The following ABCA13 variants were observed in gnomAD, a reference collection of about 807,000 sequenced individuals.
ABCA13 encodes ATP-binding cassette sub-family A member 13.
ABCA13 carries 476 observed loss-of-function variants against 478.7 expected under a neutral mutation model. The ratio of observed to expected loss-of-function variants is 0.99; its 90% CI spans 0.92 to 1.07. The LOEUF (loss-of-function observed/expected upper bound fraction) is 1.07, where lower values mean the gene tolerates loss of function less well. Ranked by LOEUF, ABCA13 falls within the 50% of genes least tolerant of loss-of-function variation. The pLI is 0.00. For synonymous variants in ABCA13, 2,252 were observed against 2,158.9 expected (o/e 1.04, Z -1.20); for missense variants, 6,060 against 5,910.6 (o/e 1.03, Z -0.83).
intron 59 of ABCA13, among the ~76,000 whole-genome samples, chr7:48,623,528 C>T (rs146686009): frequency 2.6e-5 from 4 of 152,240 alleles, no homozygotes; most frequent in African/African-American, 9.6e-5. Context: ...CCATATTCAT[C>T]GTTATTTGTA....
intron 43 of ABCA13, among the ~76,000 whole-genome samples, chr7:48,461,962 T>A (rs1011221368): frequency 3.9e-5 from 6 of 152,102 alleles, no homozygotes; most frequent in Admixed American, 6.5e-5. Context: ...TACAAACAGA[T>A]GGGAAAGTCT....
intron 49 of ABCA13, 139 bp from the exon 50 acceptor site, chr7:48,507,733 T>C: frequency 2.0e-6 from 2 of 995,428 alleles, no homozygotes; most frequent in South Asian, 1.8e-5. Context: ...AGGGAATCCA[T>C]GCCCTTAGCC....
chr7:48,201,468 T>C (rs1652544282), intron 3 of ABCA13, among the ~76,000 whole-genome samples: 1 of 152,138 alleles, frequency 6.6e-6, no homozygotes, highest in Non-Finnish European at 1.5e-5. Context: ...TCGTCTGGCA[T>C]CCCAGCACTT....
chr7:48,194,382 G>C (rs1195009845), intron 2 of ABCA13, among the ~76,000 whole-genome samples: 1 of 150,992 alleles, frequency 6.6e-6, no homozygotes, highest in East Asian at 2.0e-4. Context: ...TGATGGTGTT[G>C]TTGGTGATGA....
intron 6 of ABCA13, among the ~76,000 whole-genome samples, chr7:48,228,203 G>T (rs1009168370): frequency 6.6e-6 from 1 of 152,190 alleles, no homozygotes; most frequent in Non-Finnish European, 1.5e-5. Flanking sequence ...AACAAAAAGG[G>T]CCCTGTCCTG....
intron 16 of ABCA13, among the ~76,000 whole-genome samples, chr7:48,271,367 G>C (rs1268940836): frequency 6.6e-6 from 1 of 152,106 alleles, no homozygotes; most frequent in African/African-American, 2.4e-5. Context: ...CCAGGACTGG[G>C]AGTGCCCACA....
rs527909566 is a variant in ABCA13, at chr7:48,386,538, C to A, written c.11336-1284C>A. Among the ~76,000 whole-genome samples, 3 of 152,226 alleles carry A rather than the reference C, an allele frequency of 2.0e-5. No individual in the cohort carries two copies. The South Asian group carries it at 6.2e-4, about 32-fold the overall frequency. ...AGCATGGTTCTGGTACAAGAACAGACACATAGACTAACAGAACAGAATAGA... is the reference window on the plus strand; with the variant it reads ...AGCATGGTTCTGGTACAAGAACAGAAACATAGACTAACAGAACAGAATAGA... On this transcript the variant is annotated intron_variant, in intron 35 of 61. Coordinates refer to ENST00000435803, the MANE Select transcript of ABCA13 (RefSeq NM_152701.5).
intron 1 of ABCA13, among the ~76,000 whole-genome samples, chr7:48,192,345 C>T (rs939767567): frequency 8.6e-5 from 13 of 151,916 alleles, no homozygotes; most frequent in African/African-American, 3.1e-4. Flanking sequence ...GATTTTACTC[C>T]AGTAATCTTA....
intron 49 of ABCA13, among the ~76,000 whole-genome samples, 195 bp downstream of exon 49, chr7:48,506,585 TTGAC>T (rs1322254655): frequency 2.0e-5 from 3 of 152,154 alleles, no homozygotes; most frequent in Non-Finnish European, 4.4e-5. Context: ...AGTCAGTACA[TTGAC>T]TGAGCTTAAA....
intron 19 of ABCA13, among the ~76,000 whole-genome samples, chr7:48,285,671 C>A (rs1797631412): frequency 6.6e-6 from 1 of 152,232 alleles, no homozygotes; most frequent in Admixed American, 6.5e-5. Flanking sequence ...TGCCTGATGC[C>A]ATACATTACA....
At chr7:48,644,895 AGG>A in intron 61 of ABCA13, 141 bp downstream of exon 61, 1 of 946,522 alleles carries the variant, frequency 1.1e-6, no homozygotes, top group Admixed American at 3.1e-5. Context: ...AATTATGATA[AGG>A]ATGGTGAGTG....
At chr7:48,417,411 G>A (rs773452795) in intron 41 of ABCA13, among the ~76,000 whole-genome samples, 3 of 152,142 alleles carry the variant, frequency 2.0e-5, no homozygotes. Context: ...GGAAGGGCCT[G>A]GGAATCAGGA....
At chr7:48,280,221 A>G (rs1333200767) in intron 18 of ABCA13, among the ~76,000 whole-genome samples, 1 of 152,234 alleles carries the variant, frequency 6.6e-6, no homozygotes, top group African/African-American at 2.4e-5. Flanking sequence ...CTAGTTGCAT[A>G]AACAATTTTT....
At chr7:48,591,602 A>G (rs539905486) in intron 57 of ABCA13, among the ~76,000 whole-genome samples, 1 of 152,092 alleles carries the variant, frequency 6.6e-6, no homozygotes, top group African/African-American at 2.4e-5. Context: ...CTTTCAATCC[A>G]TGTACATGGA....
In ABCA13 at chr7:48,644,176, T is replaced by C. The variant is rs891055258; in HGVS notation, c.14944-441T>C. 5.3e-5 allele frequency among the ~76,000 whole-genome samples: 8 copies of C among 152,172 alleles called. No homozygotes were observed. In the East Asian group the frequency reaches 5.8e-4, roughly 11 times the overall value. ...TATAAAACAGACATAATTATCTCCA[T>C]TGGCATACATGAAGACAAGGATCAG... On this transcript the variant is annotated intron_variant, in intron 60 of 61. Transcript: ENST00000435803.
At chr7:48,361,818 C>T (rs1299660910) in intron 31 of ABCA13, among the ~76,000 whole-genome samples, 2 of 151,658 alleles carry the variant, frequency 1.3e-5, no homozygotes, top group East Asian at 3.9e-4. Flanking sequence ...CTTTTAATTT[C>T]CAGGTGAAAA....
intron 58 of ABCA13, among the ~76,000 whole-genome samples, chr7:48,614,450 G>GT (rs762052120): frequency 1.5e-4 from 23 of 151,272 alleles, no homozygotes; most frequent in Non-Finnish European, 2.8e-4. Flanking sequence ...CTGTAAACTA[G>GT]TTCAACCATT....
In ABCA13 at chr7:48,295,814, G is replaced by A. The variant is rs1256434994; in HGVS notation, c.9070G>A (p.Asp3024Asn). 52 of 1,613,764 alleles carry A rather than the reference G, an allele frequency of 3.2e-5. No homozygotes were observed. Among genetic ancestry groups the A allele is most frequent in the Non-Finnish European group, 4.2e-5 (49 of 1,179,850 alleles). The change falls in exon 21 of 62, where the codon GAC (aspartate) becomes AAC (asparagine). Residue 3024 changes from aspartate (D) to asparagine (N), a missense_variant. Transcript: ENST00000435803. ...CAGCTTGGAAAATGCCACTGGCCAG[G>A]ACTGCACAAGCCAGCCGAGGCTGGA... Reference protein sequence around the residue: ...KSSLENATGQDCTSQPRLETV... With the variant: ...KSSLENATGQNCTSQPRLETV...
chr7:48,309,033 GCACACACA>G (rs10523187), intron 23 of ABCA13, among the ~76,000 whole-genome samples: 16 of 138,152 alleles, frequency 1.2e-4, no homozygotes, highest in African/African-American at 3.9e-4. Context: ...ACACATGACT[GCACACACA>G]CACACACACA....
Sources: gnomAD v4.1 joint callset for allele counts (sites outside exome capture counted in the v4.1 genomes callset) on GRCh38, gnomAD v4.1.1 for gene constraint, MANE v1.5 for transcripts, NCBI Gene and HGNC (gene_info 2026-07-23, HGNC 2026-07-21) for gene names.